The following RBMS3 variants were observed in gnomAD, a reference collection of about 807,000 sequenced individuals.
The protein encoded by RBMS3 is RNA binding motif single stranded interacting protein 3.
Under a neutral mutation model 66.8 loss-of-function variants are expected in RBMS3, and 27 were observed. That is an observed-to-expected ratio of 0.40 (90% CI 0.30 to 0.56). The LOEUF is 0.56. Among genes scored for constraint, RBMS3 ranks in the 20% least tolerant of loss-of-function variants. The pLI is 0.40. For missense variants in RBMS3, 513 were observed against 549.5 expected, an observed-to-expected ratio of 0.93 and a Z score of 0.66; for synonymous variants, 188 against 183.0, an observed-to-expected ratio of 1.03 and a Z score of -0.22.
intron 3 of RBMS3, among the ~76,000 whole-genome samples, chr3:29,493,219 G>A (rs1231692109): frequency 2.0e-5 from 3 of 152,120 alleles, no homozygotes; most frequent in Non-Finnish European, 4.4e-5. Context: ...ATTATATGAA[G>A]TTAAATCAAT....
intron 12 of RBMS3, among the ~76,000 whole-genome samples, chr3:29,945,582 G>A (rs1439902899): frequency 2.6e-5 from 4 of 151,488 alleles, no homozygotes; most frequent in Non-Finnish European, 5.9e-5. Flanking sequence ...TTCATACATG[G>A]TACTTTTGTT....
At chr3:29,930,679 T>C (rs1210873910) in intron 10 of RBMS3, among the ~76,000 whole-genome samples, 3 of 151,984 alleles carry the variant, frequency 2.0e-5, no homozygotes, top group East Asian at 1.9e-4. Context: ...AAATCACTCC[T>C]GGTTGAGAAC....
intron 7 of RBMS3, among the ~76,000 whole-genome samples, chr3:29,872,756 A>G (rs1051060231): frequency 6.6e-6 from 1 of 152,186 alleles, no homozygotes; most frequent in Non-Finnish European, 1.5e-5. Flanking sequence ...TGGCTGGCAC[A>G]GCAGGATTTT....
At chr3:29,910,036 C>T (rs2060477651) in intron 10 of RBMS3, among the ~76,000 whole-genome samples, 1 of 152,064 alleles carries the variant, frequency 6.6e-6, no homozygotes. Context: ...CAGAGTATCA[C>T]AGCTTTGCCA....
At chr3:29,524,399 G>A (rs567020595) in intron 3 of RBMS3, among the ~76,000 whole-genome samples, 4 of 140,826 alleles carry the variant, frequency 2.8e-5, no homozygotes, top group East Asian at 2.2e-4. Flanking sequence ...TGGAAGATAT[G>A]AGTGACTCCC....
chr3:29,736,277 C>T (rs1217802474), intron 4 of RBMS3, among the ~76,000 whole-genome samples: 1 of 152,224 alleles, frequency 6.6e-6, no homozygotes, highest in African/African-American at 2.4e-5. Context: ...ACGACACTAT[C>T]CAATGTGCTA....
chr3:29,912,975 A>G (rs2060552134), intron 10 of RBMS3, among the ~76,000 whole-genome samples: 1 of 151,950 alleles, frequency 6.6e-6, no homozygotes, highest in Non-Finnish European at 1.5e-5. Context: ...GCATGTACAC[A>G]GTTGGGATCT....
At chr3:29,695,186 G>C (rs2052209958) in intron 4 of RBMS3, among the ~76,000 whole-genome samples, 2 of 151,746 alleles carry the variant, frequency 1.3e-5, no homozygotes, top group African/African-American at 4.8e-5. Flanking sequence ...CTATCTAGAA[G>C]CAATGAATTA....
At chr3:29,665,486 ACTAT>A (rs2149237281) in intron 4 of RBMS3, among the ~76,000 whole-genome samples, 1 of 152,260 alleles carries the variant, frequency 6.6e-6, no homozygotes, top group Non-Finnish European at 1.5e-5. Flanking sequence ...CTTTCCAAAC[ACTAT>A]CTGTCTTTTC....
chr3:29,384,831 G>A (rs9819400), intron 1 of RBMS3, among the ~76,000 whole-genome samples: 2 of 152,136 alleles, frequency 1.3e-5, no homozygotes, highest in African/African-American at 2.4e-5. Flanking sequence ...TGTTGTGAGC[G>A]GGGAAGAGAG....
intron 1 of RBMS3, among the ~76,000 whole-genome samples, chr3:29,430,772 T>C (rs1245157126): frequency 1.7e-5 from 1 of 60,024 alleles, no homozygotes; most frequent in Non-Finnish European, 3.4e-5. Context: ...CTGGTGGTTT[T>C]AAAGGCTAAA....
chr3:29,952,645 A>G (rs1042325375), intron 12 of RBMS3, among the ~76,000 whole-genome samples: 51 of 152,020 alleles, frequency 3.4e-4, no homozygotes, highest in African/African-American at 1.2e-3. Flanking sequence ...TGTAATTACA[A>G]AATACTTATA....
intron 10 of RBMS3, among the ~76,000 whole-genome samples, chr3:29,900,921 C>CAG (rs963531809): frequency 6.6e-6 from 1 of 151,704 alleles, no homozygotes; most frequent in African/African-American, 2.4e-5. Flanking sequence ...TTCCTGAACT[C>CAG]AGAAAATTAG....
intron 3 of RBMS3, chr3:29,556,377 G>A (rs557618644): frequency 2.0e-5 from 3 of 152,356 alleles, no homozygotes; most frequent in East Asian, 3.9e-4. Context: ...GCCGAGGCAG[G>A]CGGATCACGA....
chr3:29,960,409 G>A (rs1696347256), intron 12 of RBMS3, among the ~76,000 whole-genome samples: 1 of 152,174 alleles, frequency 6.6e-6, no homozygotes, highest in African/African-American at 2.4e-5. Context: ...GCTTTCACAG[G>A]CTGGAATTGA....
chr3:29,450,786 C>T (rs1267491771), intron 2 of RBMS3, among the ~76,000 whole-genome samples: 1 of 151,942 alleles, frequency 6.6e-6, no homozygotes, highest in Non-Finnish European at 1.5e-5. Flanking sequence ...ATAAGGGAAG[C>T]ATATACTTAA....
At chr3:29,614,371 G>T (rs1249407598) in intron 4 of RBMS3, 1 of 152,150 alleles carries the variant, frequency 6.6e-6, no homozygotes, top group East Asian at 1.9e-4. Context: ...ATTGACAAGA[G>T]AAATAAGTTC....
intron 1 of RBMS3, among the ~76,000 whole-genome samples, chr3:29,408,755 C>T (rs1000756938): frequency 5.3e-5 from 8 of 152,196 alleles, no homozygotes; most frequent in South Asian, 4.1e-4. Flanking sequence ...TAATATTTTT[C>T]GTCAGAATAT....
intron 6 of RBMS3, among the ~76,000 whole-genome samples, chr3:29,793,248 G>GAAAAA (rs2057074583): frequency 6.6e-6 from 1 of 150,560 alleles, no homozygotes; most frequent in Non-Finnish European, 1.5e-5. Context: ...AAAAGAAAAA[G>GAAAAA]GAAAAGAAAA....
Sources: gnomAD v4.1 joint callset for allele counts (sites outside exome capture counted in the v4.1 genomes callset) on GRCh38, gnomAD v4.1.1 for gene constraint, MANE v1.5 for transcripts, NCBI Gene and HGNC (gene_info 2026-07-23, HGNC 2026-07-21) for gene names.